Variants in CATSPERD observed in about 807,000 individuals in gnomAD.
CATSPERD encodes catsper channel auxiliary subunit delta.
In CATSPERD, 86 loss-of-function variants were observed where a neutral mutation model predicts 98.1. The ratio of observed to expected loss-of-function variants is 0.88; its 90% CI spans 0.74 to 1.05. The LOEUF is 1.05. Ranked by LOEUF, CATSPERD falls within the 50% of genes least tolerant of loss-of-function variation. CATSPERD has a pLI of 0.00. For synonymous variants in CATSPERD, 394 were observed against 390.2 expected, an observed-to-expected ratio of 1.01 and a Z score of -0.12; for missense variants, 995 against 1,005.7, an observed-to-expected ratio of 0.99 and a Z score of 0.14.
At chr19:5,731,540 C>A (rs2055717470) in intron 4 of CATSPERD, among the ~76,000 whole-genome samples, 1 of 147,362 alleles carries the variant, frequency 6.8e-6, no homozygotes, top group Non-Finnish European at 1.5e-5. Context: ...CAATATTTCT[C>A]CTAAAAGCGA....
In CATSPERD at chr19:5,771,559, G is replaced by A. The variant is rs1274865127; in HGVS notation, c.1763+487G>A. Among the ~76,000 whole-genome samples the A allele has an allele frequency of 1.2e-4, 18 of 151,418 alleles. No homozygotes were observed. The East Asian group carries it at 3.5e-3, about 29-fold the overall frequency. On this transcript the variant is annotated intron_variant, in intron 19 of 21. Coordinates refer to ENST00000381624, the MANE Select transcript of CATSPERD (RefSeq NM_152784.4). ...GGCCGATGGGCTTTTCTTTATGCCT[G>A]TGCACTCCTGCTGTCTTCCTGTTCT...
chr19:5,741,739 G>A (rs1242274545), intron 7 of CATSPERD, among the ~76,000 whole-genome samples: 1 of 143,836 alleles, frequency 7.0e-6, no homozygotes, highest in Non-Finnish European at 1.5e-5. Flanking sequence ...CGCTGTCCAG[G>A]CGCGGTGCCT....
At chr19:5,752,147 A>G (rs965328378) in intron 12 of CATSPERD, among the ~76,000 whole-genome samples, 5 of 152,116 alleles carry the variant, frequency 3.3e-5, no homozygotes, top group Admixed American at 3.3e-4. Context: ...CATCTCTACT[A>G]AAAATACGAA....
At chr19:5,726,252 G>T (rs1022662391) in intron 2 of CATSPERD, among the ~76,000 whole-genome samples, 4 of 151,652 alleles carry the variant, frequency 2.6e-5, no homozygotes, top group Admixed American at 2.0e-4. Flanking sequence ...AGTAGAGACG[G>T]GGTTTCACCA....
At chr19:5,763,039 AGGGT>A (rs2056472431) in intron 15 of CATSPERD, among the ~76,000 whole-genome samples, 172 bp from the exon 16 acceptor site, 1 of 137,020 alleles carries the variant, frequency 7.3e-6, no homozygotes, top group African/African-American at 2.7e-5. Context: ...GAGAGATGGA[AGGGT>A]GGATGGATGG....
chr19:5,744,347 T>TATC (rs2056054900), intron 7 of CATSPERD, 80 bp from the exon 8 acceptor site: 1 of 1,183,192 alleles, frequency 8.5e-7, no homozygotes, highest in Admixed American at 1.9e-5. Flanking sequence ...TTGTAACTTA[T>TATC]TAGATAATCT....
intron 7 of CATSPERD, among the ~76,000 whole-genome samples, chr19:5,744,006 GTC>G (rs2056047945): frequency 6.6e-6 from 1 of 152,014 alleles, no homozygotes; most frequent in Admixed American, 6.6e-5. Context: ...TTGAGACAAG[GTC>G]TCACTCTGTC....
At chr19:5,741,800 G>GGGGGGGGGGGT (rs2055976568) in intron 7 of CATSPERD, among the ~76,000 whole-genome samples, 3 of 75,742 alleles carry the variant, frequency 4.0e-5, no homozygotes, top group Non-Finnish European at 9.8e-5. Flanking sequence ...GGGGGGGGGT[G>GGGGGGGGGGGT]GTGTGGATCA....
intron 13 of CATSPERD, among the ~76,000 whole-genome samples, chr19:5,754,788 G>A (rs527786785): frequency 8.8e-4 from 133 of 151,866 alleles, no homozygotes; most frequent in Non-Finnish European, 2.9e-4. Flanking sequence ...CCGCCCTTGT[G>A]CTGTCTCTGT....
At chr19:5,757,106 T>C (rs1051676291) in intron 13 of CATSPERD, among the ~76,000 whole-genome samples, 3 of 150,676 alleles carry the variant, frequency 2.0e-5, no homozygotes, top group Non-Finnish European at 2.9e-5. Context: ...AAAAATTAGC[T>C]GGGTGTGTTG....
intron 16 of CATSPERD, among the ~76,000 whole-genome samples, chr19:5,763,847 C>CCTTTTTTTTTTTTTTTTTTTTT (rs2056488011): frequency 1.6e-5 from 1 of 62,120 alleles, no homozygotes; most frequent in East Asian, 4.9e-4. Context: ...TCTTGAACTC[C>CCTTTTTTTTTTTTTTTTTTTTT]TTTTTTTTTT....
At chr19:5,751,032 G>T (rs1459111899) in intron 11 of CATSPERD, among the ~76,000 whole-genome samples, 1 of 149,354 alleles carries the variant, frequency 6.7e-6, no homozygotes, top group Non-Finnish European at 1.5e-5. Flanking sequence ...TGATCAACAT[G>T]GTGAAACTCG....
At chr19:5,720,962 C>T (rs532788551) in intron 1 of CATSPERD, among the ~76,000 whole-genome samples, 154 bp downstream of exon 1, 22 of 152,148 alleles carry the variant, frequency 1.4e-4, no homozygotes, top group African/African-American at 4.6e-4. Flanking sequence ...CCCTACTCCA[C>T]CCCATCCTCC....
At chr19:5,738,545 C>A (rs2055894250) in intron 6 of CATSPERD, among the ~76,000 whole-genome samples, 1 of 151,862 alleles carries the variant, frequency 6.6e-6, no homozygotes, top group Non-Finnish European at 1.5e-5. Flanking sequence ...CAAAAACAAA[C>A]CAAAAAACAA....
At chr19:5,767,444 G>T (rs576390462) in intron 17 of CATSPERD, among the ~76,000 whole-genome samples, 3 of 150,586 alleles carry the variant, frequency 2.0e-5, no homozygotes, top group Non-Finnish European at 4.4e-5. Context: ...TGCTCATTTG[G>T]CAACTGCTCA....
intron 15 of CATSPERD, among the ~76,000 whole-genome samples, chr19:5,762,058 A>ATATATATATATTTTTTTTTTTTTTTT: frequency 9.6e-5 from 1 of 10,438 alleles, no homozygotes; most frequent in Non-Finnish European, 1.8e-4. Flanking sequence ...ATATATATAT[A>ATATATATATATTTTTTTTTTTTTTTT]TTTTTTTTTT....
At chr19:5,732,744 C>T (rs943017814) in intron 4 of CATSPERD, among the ~76,000 whole-genome samples, 2 of 152,106 alleles carry the variant, frequency 1.3e-5, no homozygotes, top group Non-Finnish European at 2.9e-5. Context: ...GGTGCAATCT[C>T]GGCTCACTGC....
At chr19:5,751,882 C>T in intron 12 of CATSPERD, 59 bp downstream of exon 12, 1 of 1,504,020 alleles carries the variant, frequency 6.6e-7, no homozygotes, top group African/African-American at 1.4e-5. Context: ...ACAAATTCAA[C>T]CTGGGCATGG....
intron 12 of CATSPERD, 28 bp downstream of exon 12, chr19:5,751,851 T>C (rs757412674): frequency 2.5e-6 from 4 of 1,581,088 alleles, no homozygotes; most frequent in Admixed American, 3.5e-5. Context: ...TTTTGATCAA[T>C]GTTCAATGTA....
Sources: gnomAD v4.1 joint callset for allele counts (sites outside exome capture counted in the v4.1 genomes callset) on GRCh38, gnomAD v4.1.1 for gene constraint, MANE v1.5 for transcripts, NCBI Gene and HGNC (gene_info 2026-07-23, HGNC 2026-07-21) for gene names.